Variants in SYT5 observed in about 807,000 individuals in gnomAD.
SYT5 encodes the protein synaptotagmin-5.
A neutral mutation model predicts 36.0 loss-of-function variants in SYT5; 29 were observed. The ratio of observed to expected loss-of-function variants is 0.81; its 90% confidence interval spans 0.60 to 1.10. SYT5 has a LOEUF of 1.10. SYT5 is among the 50% of genes least tolerant of loss of function. SYT5 has a pLI of 0.00. For missense variants in SYT5, 512 were observed against 516.0 expected (o/e 0.99, Z 0.08); for synonymous variants, 231 against 227.6 (o/e 1.02, Z -0.14).
In SYT5 at chr19:55,173,468, G is replaced by GTCCA; in HGVS notation, c.*15_*16insTGGA. 1 of 1,350,670 alleles carries GTCCA rather than the reference G, an allele frequency of 7.4e-7. No individual in the cohort carries two copies. The highest frequency in any genetic ancestry group is 9.5e-7 in the Non-Finnish European group (1 of 1,052,390). 83.7% of individuals were successfully genotyped at this position (1,350,670 alleles called of 1,614,324 possible). A position where few individuals can be genotyped will look rare whatever the true frequency, so the allele number is the denominator to read the frequency against. Reference sequence around the variant, plus strand: ...GGGGCTAGAGTCCAGGCTTGGCCGGGGGCTTGGGGTGGGAGTCAGGGCGCA... The same window carrying GTCCA: ...GGGGCTAGAGTCCAGGCTTGGCCGGGTCCAGGCTTGGGGTGGGAGTCAGGGCGCA... On this transcript the variant is annotated 3_prime_UTR_variant, in exon 9 of 9. Transcript: ENST00000354308. This position sits in a 1 kb window ranked among gnomAD's most constrained non-coding sequence, Gnocchi z 5.4.
Position 55,172,004 on chromosome 19 carries a change from C to G in SYT5, c.*1480G>C, listed in dbSNP as rs879381507. 6.6e-6 allele frequency: 1 copy of G among 151,860 alleles called. No individual in the cohort carries two copies. The highest frequency in any genetic ancestry group is 2.4e-5 in the African/African-American group (1 of 41,312). 9.4% of individuals were successfully genotyped at this position (151,860 alleles called of 1,614,324 possible). A position where few individuals can be genotyped will look rare whatever the true frequency, so the allele number is the denominator to read the frequency against. ...CTGAGGCAGAAGAATCGCTTGAACC[C>G]GGGAGGCAGGGGTTGCGGTGAGCCG... is the stretch of plus-strand genomic sequence containing the variant. On this transcript the variant is annotated 3_prime_UTR_variant, in exon 9 of 9. Coordinates refer to ENST00000354308, the MANE Select transcript of SYT5 (RefSeq NM_003180.3).
intron 3 of SYT5, chr19:55,176,356 C>T: frequency 1.8e-6 from 1 of 568,726 alleles, no homozygotes; most frequent in Non-Finnish European, 3.1e-6. Flanking sequence ...TGGGCAGGAA[C>T]TAGACATGTG....
chr19:55,173,433 T>G lies in SYT5; in HGVS notation c.*51A>C. 4 of 1,299,072 alleles carry G rather than the reference T, an allele frequency of 3.1e-6. No individual in the cohort carries two copies. In the South Asian group the frequency reaches 6.5e-5, roughly 21 times the overall value. The allele number at this position is 1,299,072 out of a possible 1,614,324, so 80.5% of individuals were successfully genotyped here. On this transcript the variant is annotated 3_prime_UTR_variant, in exon 9 of 9. Coordinates refer to ENST00000354308, the MANE Select transcript of SYT5 (RefSeq NM_003180.3). The surrounding 1 kb of genome is among the most constrained non-coding windows in gnomAD (Gnocchi z 5.4). ...GCTTGGCTTTGGCCGGTCTCGGGAG[T>G]CTGGGGTCAGGGGCTAGAGTCCAGG...
rs905262843 is a variant in SYT5, at chr19:55,171,984, G to A, written c.*1500C>T. 6.6e-6 allele frequency: 1 copy of A among 152,050 alleles called. No homozygotes were observed. Among genetic ancestry groups the A allele is most frequent in the Admixed American group, 6.6e-5 (1 of 15,208 alleles). 9.4% of individuals were successfully genotyped at this position (152,050 alleles called of 1,614,324 possible). ...AAAAAAGAAGAAAGAAGAGGCTGAGGCAGAAGAATCGCTTGAACCCGGGAG... is the reference window on the plus strand; with the variant it reads ...AAAAAAGAAGAAAGAAGAGGCTGAGACAGAAGAATCGCTTGAACCCGGGAG... On this transcript the variant is annotated 3_prime_UTR_variant, in exon 9 of 9. Coordinates refer to ENST00000354308, the MANE Select transcript of SYT5 (RefSeq NM_003180.3).
chr19:55,178,941 C>A, intron 2 of SYT5, 22 bp downstream of exon 2: 1 of 1,481,480 alleles, frequency 6.8e-7, no homozygotes, highest in Non-Finnish European at 9.0e-7. Context: ...TGCTCGGCCC[C>A]CCACCCCCGG....
chr19:55,173,822 A>T lies in SYT5; in HGVS notation c.961-138T>A. ...GGGGCCCCGGAGCTCGGGACGGGGG[A>T]GGGGGTGGGAGACGAGAGGGACGGA... On this transcript the variant is annotated intron_variant, in intron 8 of 8. Transcript: ENST00000354308. This position sits in a 1 kb window ranked among gnomAD's most constrained non-coding sequence, Gnocchi z 5.4. 3.6e-6 allele frequency: 3 copies of T among 822,040 alleles called. No individual in the cohort carries two copies. Among genetic ancestry groups the T allele is most frequent in the Non-Finnish European group, 5.0e-6 (3 of 594,304 alleles). The allele number at this position is 822,040 out of a possible 1,614,324, so 50.9% of individuals were successfully genotyped here.
In SYT5 at chr19:55,175,001, T is replaced by C; in HGVS notation, c.709-2A>G. The C allele has an allele frequency of 6.2e-7, 1 of 1,612,272 alleles. No homozygotes were observed. The highest frequency in any genetic ancestry group is 1.1e-5 in the South Asian group (1 of 91,070). On this transcript the variant is annotated splice_acceptor_variant, in intron 6 of 8. Coordinates refer to ENST00000354308, the MANE Select transcript of SYT5 (RefSeq NM_003180.3). LOFTEE classifies it high-confidence loss of function. This position sits in a 1 kb window ranked among gnomAD's most constrained non-coding sequence, Gnocchi z 4.5. Reference sequence around the variant, plus strand: ...GCAGATGTCCCCAAGCTTCTCCTGCTGAAAGGAGAGGGGCCCATCACCAGA... The same window carrying C: ...GCAGATGTCCCCAAGCTTCTCCTGCCGAAAGGAGAGGGGCCCATCACCAGA...
rs1184792392 is a variant in SYT5 at position 55,179,211 on chromosome 19, GAGTTGT to G, written c.-45-131_-45-126del. The G allele has an allele frequency of 6.6e-7, 1 of 1,523,218 alleles. No individual in the cohort carries two copies. The allele number at this position is 1,523,218 out of a possible 1,614,324, so 94.4% of individuals were successfully genotyped here. A position where few individuals can be genotyped will look rare whatever the true frequency, so the allele number is the denominator to read the frequency against. ...GGACAGCCACCGCGAGTCATGCTGG[GAGTTGT>G]AGTATCAGCCTCCCCGCACTTGAGA... On this transcript the variant is annotated intron_variant, in intron 1 of 8. Transcript: ENST00000354308. This position sits in a 1 kb window ranked among gnomAD's most constrained non-coding sequence, Gnocchi z 4.5.
intron 3 of SYT5, chr19:55,177,436 C>T (rs2086088800): frequency 6.6e-6 from 1 of 152,230 alleles, no homozygotes; most frequent in Admixed American, 6.6e-5. Flanking sequence ...AAGTCACCTC[C>T]ACCACGAAGC....
At chr19:55,177,309 C>G (rs2086087460) in intron 3 of SYT5, 1 of 152,206 alleles carries the variant, frequency 6.6e-6, no homozygotes, top group Non-Finnish European at 1.5e-5. Context: ...AAATAAGCCT[C>G]AGAATCTGGA....
chr19:55,175,063 A>G lies in SYT5; in HGVS notation c.709-64T>C. On this transcript the variant is annotated intron_variant, in intron 6 of 8. Transcript: ENST00000354308. The surrounding 1 kb of genome is among the most constrained non-coding windows in gnomAD (Gnocchi z 4.5). ...ACATCCATGCCTCCTCAGGGGTACA[A>G]TCCACGCCGCCCTGAGGGTCTGGAA... 18 of 1,600,254 alleles carry G rather than the reference A, an allele frequency of 1.1e-5. 1 individual carries two copies. In the South Asian group the frequency reaches 2.0e-4, roughly 18 times the overall value.
chr19:55,175,236 C>G lies in SYT5; in HGVS notation c.644G>C (p.Ser215Thr), dbSNP rs1470819384. 43 of 1,610,824 alleles carry G rather than the reference C, an allele frequency of 2.7e-5. No homozygotes were observed. Among genetic ancestry groups the G allele is most frequent in the Non-Finnish European group, 3.6e-5 (42 of 1,179,126 alleles). The change falls in exon 6 of 9, where the codon AGC (serine) becomes ACC (threonine). Residue 215 changes from serine (S) to threonine (T), a missense_variant. Coordinates refer to ENST00000354308, the MANE Select transcript of SYT5 (RefSeq NM_003180.3). This position sits in a 1 kb window ranked among gnomAD's most constrained non-coding sequence, Gnocchi z 4.5. ...DAIGEVRVPMSSVDLGRPVQA... is the reference protein window; with the variant it reads ...DAIGEVRVPMTSVDLGRPVQA... ...CACTGGCCGCCCCAGGTCCACGGAG[C>G]TCATAGGGACCCGCACCTCCCCGAT...
At position 55,175,445 on chromosome 19, in the gene SYT5, G is replaced by C. The variant is rs376169108; in HGVS notation, c.541-106C>G. The C allele has an allele frequency of 7.9e-7, 1 of 1,273,828 alleles. No homozygotes were observed. The highest frequency in any genetic ancestry group is 1.1e-6 in the Non-Finnish European group (1 of 947,144). 78.9% of individuals were successfully genotyped at this position (1,273,828 alleles called of 1,614,324 possible). A position where few individuals can be genotyped will look rare whatever the true frequency, so the allele number is the denominator to read the frequency against. Reference sequence around the variant, plus strand: ...GGAGTGAGGCAGCGAGGGTCGAAGCGAACAGTTGGGGGAACTCAAATGGGA... The same window carrying C: ...GGAGTGAGGCAGCGAGGGTCGAAGCCAACAGTTGGGGGAACTCAAATGGGA... On this transcript the variant is annotated intron_variant, in intron 5 of 8. Transcript: ENST00000354308. This position sits in a 1 kb window ranked among gnomAD's most constrained non-coding sequence, Gnocchi z 4.5.
At chr19:55,174,780 TCCTC>T in intron 7 of SYT5, 98 bp downstream of exon 7, 1 of 1,567,930 alleles carries the variant, frequency 6.4e-7, no homozygotes, top group Non-Finnish European at 8.7e-7. Context: ...AGCAGCCAGG[TCCTC>T]CCTGTCCCCG....
Position 55,175,823 on chromosome 19 carries a change from G to C in SYT5, c.426C>G (p.Gly142=). ...AMGLAALDLG[G]SSDPYVRVYL... ...AGACCCGCACATAGGGGTCCGAGGAGCCACCAAGATCCAAGGCTGCCAATC... is the reference window on the plus strand; with the variant it reads ...AGACCCGCACATAGGGGTCCGAGGACCCACCAAGATCCAAGGCTGCCAATC... The change falls in exon 5 of 9, where the codon GGC becomes GGG. Residue 142 remains glycine, a synonymous_variant. Coordinates refer to ENST00000354308, the MANE Select transcript of SYT5 (RefSeq NM_003180.3). The surrounding 1 kb of genome is among the most constrained non-coding windows in gnomAD (Gnocchi z 4.5). 6.2e-7 allele frequency: 1 copy of C among 1,614,184 alleles called. No individual in the cohort carries two copies. Among genetic ancestry groups the C allele is most frequent in the Non-Finnish European group, 8.5e-7 (1 of 1,180,030 alleles).
At chr19:55,177,835 G>A (rs540407655) in intron 3 of SYT5, among the ~76,000 whole-genome samples, 2 of 152,308 alleles carry the variant, frequency 1.3e-5, no homozygotes, top group East Asian at 1.9e-4. Context: ...GATTACAGGC[G>A]TGAGCCACCG....
Position 55,175,148 on chromosome 19 carries a change from C to A in SYT5, c.708+24G>T, listed in dbSNP as rs377331665. The A allele has an allele frequency of 1.3e-6, 2 of 1,578,514 alleles. No homozygotes were observed. Among genetic ancestry groups the A allele is most frequent in the East Asian group, 2.3e-5 (1 of 43,122 alleles). ...CGGGACTGGGCCTGGGGGCGTGGCT[C>A]GGGGCGCGACCGCGCATGCTCACCT... On this transcript the variant is annotated intron_variant, in intron 6 of 8. Transcript: ENST00000354308. This position sits in a 1 kb window ranked among gnomAD's most constrained non-coding sequence, Gnocchi z 4.5.
chr19:55,175,774 G>A lies in SYT5; in HGVS notation c.475C>T (p.Arg159Trp), dbSNP rs2086069531. The change falls in exon 5 of 9, where the codon CGG becomes TGG. Residue 159 changes from arginine to tryptophan, a missense_variant. By Grantham distance (101) the Arg-to-Trp change is moderately radical. Transcript: ENST00000354308. This position sits in a 1 kb window ranked among gnomAD's most constrained non-coding sequence, Gnocchi z 4.5. The part of the protein sequence containing the change: ...RVYLLPDKRR[R>W]YETKVHRQTL... Reference sequence around the variant, plus strand: ...TGCCGATGCACCTTGGTCTCGTACCGCCTCCGTTTGTCCGGCAGCAGGTAG... The same window carrying A: ...TGCCGATGCACCTTGGTCTCGTACCACCTCCGTTTGTCCGGCAGCAGGTAG... 1.2e-6 allele frequency: 2 copies of A among 1,614,096 alleles called. No individual in the cohort carries two copies. Among genetic ancestry groups the A allele is most frequent in the Non-Finnish European group, 1.7e-6 (2 of 1,180,016 alleles).
At chr19:55,176,310 G>A (rs1160829477) in intron 3 of SYT5, 186 bp from the exon 4 acceptor site, 2 of 735,100 alleles carry the variant, frequency 2.7e-6, no homozygotes, top group Admixed American at 2.9e-5. Context: ...CACAGATGCA[G>A]TATGTTTGTG....
Sources: gnomAD v4.1 joint callset for allele counts (sites outside exome capture counted in the v4.1 genomes callset) on GRCh38, gnomAD v4.1.1 for gene constraint, Gnocchi (gnomAD v3.1) non-coding constraint, MANE v1.5 for transcripts, NCBI Gene and HGNC (gene_info 2026-07-23, HGNC 2026-07-21) for gene names.